Variants in LITAF observed in about 807,000 individuals in gnomAD.
LITAF encodes the protein lipopolysaccharide induced TNF factor.
Under a neutral mutation model 14.5 loss-of-function variants are expected in LITAF, and 9 were observed. The observed-to-expected ratio is 0.62, with a 90% CI of 0.37 to 1.08. The LOEUF (loss-of-function observed/expected upper bound fraction) is 1.08, where lower values mean the gene tolerates loss of function less well. Among genes scored for constraint, LITAF ranks in the 50% least tolerant of loss-of-function variants. LITAF has a pLI of 0.01. For synonymous variants in LITAF, 98 were observed against 88.2 expected, an observed-to-expected ratio of 1.11 and a Z score of -0.62; for missense variants, 206 against 213.4, an observed-to-expected ratio of 0.97 and a Z score of 0.22.
intron 1 of LITAF, among the ~76,000 whole-genome samples, chr16:11,573,641 T>C (rs2064581169): frequency 6.6e-6 from 1 of 151,414 alleles, no homozygotes; most frequent in Non-Finnish European, 1.5e-5. Flanking sequence ...TCATGTTTAA[T>C]GAGGCAGGAG....
intron 1 of LITAF, among the ~76,000 whole-genome samples, chr16:11,570,047 T>C (rs1409141724): frequency 7.3e-6 from 1 of 137,450 alleles, no homozygotes; most frequent in African/African-American, 2.9e-5. Flanking sequence ...AAAAAAAAGT[T>C]AAAATGGCAG....
At chr16:11,629,759 G>C (rs544880506) in intron 3 of LITAF, among the ~76,000 whole-genome samples, 1 of 152,140 alleles carries the variant, frequency 6.6e-6, no homozygotes, top group Admixed American at 6.5e-5. Flanking sequence ...AGCCAGTTTC[G>C]AATCATGATT....
chr16:11,613,420 T>C (rs1022276554), intron 3 of LITAF, among the ~76,000 whole-genome samples: 2 of 152,212 alleles, frequency 1.3e-5, no homozygotes, highest in Non-Finnish European at 2.9e-5. Context: ...GGCTGCCTTC[T>C]CCTGACCATC....
At chr16:11,618,813 T>A (rs1283725150) in intron 3 of LITAF, among the ~76,000 whole-genome samples, 1 of 151,682 alleles carries the variant, frequency 6.6e-6, no homozygotes, top group East Asian at 1.9e-4. Context: ...TGAAACCCTG[T>A]CTCTACTAAA....
rs1328501997 is a variant in LITAF, at chr16:11,551,601, G to A, written c.378-1856C>T. ...TTTGGGAGGTCAAGGCAGAAGGACT[G>A]CTTGAGTCCAGGAGTTCAAGACCAG... On this transcript the variant is annotated intron_variant, in intron 3 of 3. Transcript: ENST00000622633. The A allele has an allele frequency of 7.9e-6, 4 of 504,888 alleles. No homozygotes were observed. In the Admixed American group the frequency reaches 1.5e-4, roughly 18 times the overall value. 31.3% of individuals were successfully genotyped at this position (504,888 alleles called of 1,614,324 possible).
intron 3 of LITAF, chr16:11,551,848 G>GCAAT: frequency 1.9e-6 from 1 of 513,630 alleles, no homozygotes; most frequent in Non-Finnish European, 3.5e-6. Flanking sequence ...AACAAAACAA[G>GCAAT]TTTCTATTCC....
chr16:11,633,649 A>G (rs1263313651), intron 2 of LITAF: 1 of 152,198 alleles, frequency 6.6e-6, no homozygotes, highest in East Asian at 1.9e-4. Context: ...TAGATGGTCC[A>G]AAAAGGGGAG....
chr16:11,608,348 T>C (rs1437544234), intron 3 of LITAF, among the ~76,000 whole-genome samples: 1 of 152,158 alleles, frequency 6.6e-6, no homozygotes, highest in Non-Finnish European at 1.5e-5. Context: ...AGTTGGATTC[T>C]ACCGGGTGTG....
chr16:11,569,913 A>C (rs761448952), intron 1 of LITAF, among the ~76,000 whole-genome samples: 5 of 152,030 alleles, frequency 3.3e-5, no homozygotes, highest in African/African-American at 9.7e-5. Flanking sequence ...GCTTGAATGT[A>C]ATTCCAGCTA....
chr16:11,580,632 T>C (rs2064717747), intron 1 of LITAF, among the ~76,000 whole-genome samples: 1 of 152,168 alleles, frequency 6.6e-6, no homozygotes, highest in Admixed American at 6.5e-5. Flanking sequence ...CTGAGGCTAC[T>C]CTGAGACAAC....
At chr16:11,580,499 A>T (rs2064715397) in intron 1 of LITAF, among the ~76,000 whole-genome samples, 2 of 151,936 alleles carry the variant, frequency 1.3e-5, no homozygotes, top group South Asian at 4.2e-4. Flanking sequence ...CTCATGATCC[A>T]CCCACCTTGG....
chr16:11,553,916 CCA>C lies in LITAF; in HGVS notation c.221-229_221-228del, dbSNP rs148727408. Among the ~76,000 whole-genome samples, 2,116 of 152,260 alleles carry C rather than the reference CCA, an allele frequency of 0.014. 55 individuals are homozygous for C. The highest frequency in any genetic ancestry group is 0.049 in the African/African-American group (2,029 of 41,524). ...TAACACAGCGAAGTTTATCCATCCA[CCA>C]GAATATGATTCAGCCTCAAAAAGAA... is the stretch of plus-strand genomic sequence containing the variant. On this transcript the variant is annotated intron_variant, in intron 2 of 3. Coordinates refer to ENST00000622633, the MANE Select transcript of LITAF (RefSeq NM_001136472.2). This position sits in a 1 kb window ranked among gnomAD's most constrained non-coding sequence, Gnocchi z 7.7.
intron 3 of LITAF, among the ~76,000 whole-genome samples, chr16:11,607,421 A>G (rs1020374541): frequency 1.3e-5 from 2 of 152,084 alleles, no homozygotes; most frequent in Non-Finnish European, 2.9e-5. Context: ...TTTATTTTCA[A>G]TTTTGGGTCA....
upstream of LITAF, among the ~76,000 whole-genome samples, chr16:11,600,093 G>C (rs370490954): frequency 1.6e-3 from 246 of 152,200 alleles, no homozygotes; most frequent in African/African-American, 5.4e-3. This position sits in a 1 kb window ranked among gnomAD's most constrained non-coding sequence, Gnocchi z 4.1. Flanking sequence ...AAACTCCTAG[G>C]CTCAAGCAAT....
chr16:11,567,312 C>T (rs941082402), intron 1 of LITAF, among the ~76,000 whole-genome samples: 6 of 151,284 alleles, frequency 4.0e-5, no homozygotes, highest in Non-Finnish European at 7.4e-5. Context: ...CCTAGCTACT[C>T]GGGAGGCTGA....
intron 3 of LITAF, among the ~76,000 whole-genome samples, chr16:11,618,611 C>G (rs2903972): frequency 0.9 from 136,380 of 152,204 alleles, 61,231 homozygotes; most frequent in East Asian, 0.99. Flanking sequence ...CATGGAGCCA[C>G]TGGCCATTGT....
At chr16:11,619,137 C>A (rs1197525753) in intron 3 of LITAF, among the ~76,000 whole-genome samples, 2 of 151,898 alleles carry the variant, frequency 1.3e-5, no homozygotes, top group Middle Eastern at 3.2e-3. Flanking sequence ...ATGGCAAAAC[C>A]CCTTCTCTAC....
At chr16:11,598,187 T>G (rs1363811513) in intron 1 of LITAF, among the ~76,000 whole-genome samples, 1 of 152,012 alleles carries the variant, frequency 6.6e-6, no homozygotes, top group Non-Finnish European at 1.5e-5. Context: ...CATGAGCCTC[T>G]GTGCCCGGCC....
At chr16:11,580,694 A>C (rs2064718705) in intron 1 of LITAF, among the ~76,000 whole-genome samples, 2 of 152,162 alleles carry the variant, frequency 1.3e-5, no homozygotes, top group Admixed American at 1.3e-4. Context: ...ACCTTTGTTC[A>C]CCATACATTT....
Sources: allele counts gnomAD v4.1 joint callset (sites outside exome capture counted in the v4.1 genomes callset), GRCh38; gene constraint gnomAD v4.1.1; non-coding constraint Gnocchi (gnomAD v3.1); transcripts MANE v1.5; gene names NCBI Gene and HGNC (gene_info 2026-07-23, HGNC 2026-07-21).